IL18R1: variants seen among roughly 807,000 people sequenced by gnomAD.
IL18R1 encodes interleukin 18 receptor 1, also known as interleukin-18 receptor 1.
IL18R1 carries 40 observed loss-of-function variants against 48.5 expected under a neutral mutation model. The ratio of observed to expected loss-of-function variants is 0.82; its 90% CI spans 0.64 to 1.07. The LOEUF (loss-of-function observed/expected upper bound fraction) is 1.07, where lower values mean the gene tolerates loss of function less well. Ranked by LOEUF, IL18R1 falls within the 50% of genes least tolerant of loss-of-function variation. IL18R1 has a pLI of 0.00. For missense variants in IL18R1, 596 were observed against 633.7 expected (o/e 0.94, Z 0.64); for synonymous variants, 232 against 225.9 (o/e 1.03, Z -0.24).
intron 4 of IL18R1, among the ~76,000 whole-genome samples, chr2:102,375,639 T>C (rs1679532127): frequency 6.6e-6 from 1 of 152,178 alleles, no homozygotes; most frequent in South Asian, 2.1e-4. Flanking sequence ...GATGAAAGAA[T>C]ATTGATGAAA....
At chr2:102,362,218 T>C (rs1407055253) in intron 1 of IL18R1, among the ~76,000 whole-genome samples, 3 of 150,830 alleles carry the variant, frequency 2.0e-5, no homozygotes, top group Non-Finnish European at 2.9e-5. Context: ...CAGGAATGTT[T>C]TGATGTGAAA....
intron 10 of IL18R1, among the ~76,000 whole-genome samples, chr2:102,395,623 A>G (rs1177335841): frequency 6.6e-6 from 1 of 152,210 alleles, no homozygotes; most frequent in South Asian, 2.1e-4. Flanking sequence ...AAGAAGGCAT[A>G]TTGTTACTTA....
In IL18R1 at chr2:102,356,394, T is replaced by C; in HGVS notation, c.-35T>C. ...CCCGCCCCAGCCTCGGGGACGCCTC[T>C]CTGAAGGTAAGGGTGGGCTCCGCTG... On this transcript the variant is annotated 5_prime_UTR_variant, in exon 1 of 11. Transcript: ENST00000233957. The C allele has an allele frequency of 2.0e-6, 2 of 983,250 alleles. No individual in the cohort carries two copies. The highest frequency in any genetic ancestry group is 4.7e-5 in the South Asian group (1 of 21,246). The allele number at this position is 983,250 out of a possible 1,614,324, so 60.9% of individuals were successfully genotyped here.
chr2:102,385,616 T>G lies in IL18R1; in HGVS notation c.809+618T>G, dbSNP rs955769226. On this transcript the variant is annotated intron_variant, in intron 7 of 10. Coordinates refer to ENST00000233957, the MANE Select transcript of IL18R1 (RefSeq NM_003855.5). ...CCACCTTTGCTGCACTTGTTGAGTT[T>G]TTTCTTCTGCTTTTTACACATTTTT... is the stretch of plus-strand genomic sequence containing the variant. Among the ~76,000 whole-genome samples, 11 of 152,308 alleles carry G rather than the reference T, an allele frequency of 7.2e-5. No individual in the cohort carries two copies. In the East Asian group the frequency reaches 2.1e-3, roughly 29 times the overall value.
At chr2:102,388,749 G>A (rs1339037142) in intron 8 of IL18R1, among the ~76,000 whole-genome samples, 1 of 152,182 alleles carries the variant, frequency 6.6e-6, no homozygotes, top group African/African-American at 2.4e-5. Flanking sequence ...TTATGACTAT[G>A]CAGTCCTTTC....
At chr2:102,382,671 C>T (rs1052285944) in intron 6 of IL18R1, among the ~76,000 whole-genome samples, 5 of 152,152 alleles carry the variant, frequency 3.3e-5, no homozygotes, top group African/African-American at 9.7e-5. Context: ...TAAAAAGTGG[C>T]AAGTCTCTGT....
At chr2:102,389,613 T>C (rs1223493509) in intron 8 of IL18R1, among the ~76,000 whole-genome samples, 1 of 152,220 alleles carries the variant, frequency 6.6e-6, no homozygotes, top group Non-Finnish European at 1.5e-5. Context: ...TTCACGATTT[T>C]TCCTACAATA....
intron 1 of IL18R1, among the ~76,000 whole-genome samples, chr2:102,361,129 G>A (rs561512303): frequency 4.6e-5 from 7 of 152,064 alleles, no homozygotes; most frequent in Non-Finnish European, 7.4e-5. Flanking sequence ...TTTTAAAGTG[G>A]TGCTTTTTAT....
chr2:102,386,721 A>C (rs904732935), intron 7 of IL18R1, 140 bp from the exon 8 acceptor site: 2 of 838,782 alleles, frequency 2.4e-6, no homozygotes, highest in Non-Finnish European at 3.8e-6. Context: ...ATTGTAGTCC[A>C]TGCTTTAAGA....
At chr2:102,376,361 C>T (rs1679585217) in intron 5 of IL18R1, among the ~76,000 whole-genome samples, 1 of 152,168 alleles carries the variant, frequency 6.6e-6, no homozygotes, top group Non-Finnish European at 1.5e-5. Flanking sequence ...TACATTTTCA[C>T]TTTACAAGTA....
In IL18R1 at chr2:102,384,934, T is replaced by C. The variant is rs769408772; in HGVS notation, c.745T>C (p.Trp249Arg). 1 of 1,610,912 alleles carries C rather than the reference T, an allele frequency of 6.2e-7. No homozygotes were observed. The highest frequency in any genetic ancestry group is 1.7e-5 in the Admixed American group (1 of 59,976). The change falls in exon 7 of 11, where the codon TGG becomes CGG. Residue 249 changes from tryptophan (W) to arginine (R), a missense_variant. By Grantham distance (101) the Trp-to-Arg change is moderately radical (BLOSUM62 -3). Around this residue, in one of 3 missense-constraint regions of IL18R1, gnomAD observed 360 missense variants for 339.4 expected, o/e 1.06. Coordinates refer to ENST00000233957, the MANE Select transcript of IL18R1 (RefSeq NM_003855.5). ...GCTGAATGAAGAGGATGTAATTTAT[T>C]GGATGTTCGGGGAAGAAAATGGATC... ...ALLNEEDVIY[W>R]MFGEENGSDP... is the part of the protein sequence containing the mutation.
chr2:102,367,180 G>A (rs1383570925), intron 2 of IL18R1, among the ~76,000 whole-genome samples: 1 of 152,180 alleles, frequency 6.6e-6, no homozygotes, highest in Non-Finnish European at 1.5e-5. Context: ...TGGGTCAATT[G>A]AGAAAGAGGG....
chr2:102,360,356 C>T (rs530297109), intron 1 of IL18R1, among the ~76,000 whole-genome samples: 6 of 152,244 alleles, frequency 3.9e-5, no homozygotes, highest in East Asian at 1.9e-4. Flanking sequence ...CTCCGCCTCC[C>T]GGATTCACAC....
At chr2:102,394,370 C>T in intron 9 of IL18R1, 99 bp from the exon 10 acceptor site, 2 of 935,248 alleles carry the variant, frequency 2.1e-6, no homozygotes, top group East Asian at 2.7e-5. Flanking sequence ...TTTGTTTTTT[C>T]AATGATTCTA....
intron 10 of IL18R1, among the ~76,000 whole-genome samples, chr2:102,395,796 G>A (rs1017749138): frequency 4.6e-5 from 7 of 152,192 alleles, no homozygotes; most frequent in Non-Finnish European, 1.0e-4. Context: ...AACAGTGAGA[G>A]GTCTAGAACA....
At chr2:102,379,444 C>CAAAAAAAAAAAAAAAAAAAAAAAGAAAA in intron 5 of IL18R1, among the ~76,000 whole-genome samples, 1 of 102,944 alleles carries the variant, frequency 9.7e-6, no homozygotes. Context: ...GACTCGGTCT[C>CAAAAAAAAAAAAAAAAAAAAAAAGAAAA]AAAAAAAAAA....
intron 1 of IL18R1, 111 bp from the exon 2 acceptor site, chr2:102,362,522 T>C: frequency 3.3e-6 from 2 of 598,992 alleles, no homozygotes; most frequent in Non-Finnish European, 5.8e-6. Flanking sequence ...ATAAAAATCT[T>C]CTAGGTTGTT....
chr2:102,377,279 G>A (rs969676261), intron 5 of IL18R1, among the ~76,000 whole-genome samples: 2 of 152,166 alleles, frequency 1.3e-5, no homozygotes, highest in Admixed American at 6.5e-5. Flanking sequence ...TACTTCTGGA[G>A]GCTGTAGGGG....
intron 10 of IL18R1, among the ~76,000 whole-genome samples, chr2:102,395,092 C>T (rs4851005): frequency 0.29 from 43,655 of 151,484 alleles, 7,259 homozygotes; most frequent in East Asian, 0.41. Context: ...ATATTGGTGA[C>T]GAAATTTAAG....
Sources: allele counts gnomAD v4.1 joint callset (sites outside exome capture counted in the v4.1 genomes callset), GRCh38; gene constraint gnomAD v4.1.1; regional missense constraint gnomAD v4.1.1; transcripts MANE v1.5; gene names NCBI Gene and HGNC (gene_info 2026-07-23, HGNC 2026-07-21).